Variants in GPC6 observed in about 807,000 individuals in gnomAD.
GPC6 encodes glypican-6.
In GPC6, 14 loss-of-function variants were observed where a neutral mutation model predicts 55.2. That is an observed-to-expected ratio of 0.25 (90% CI 0.17 to 0.40). The LOEUF is 0.40. Ranked by LOEUF, GPC6 falls within the 10% of genes least tolerant of loss-of-function variation. GPC6 has a pLI of 1.00. For synonymous variants in GPC6, 278 were observed against 259.6 expected, an observed-to-expected ratio of 1.07 and a Z score of -0.68; for missense variants, 641 against 708.5, an observed-to-expected ratio of 0.90 and a Z score of 1.08.
chr13:93,767,640 C>G (rs1885164095), intron 2 of GPC6, among the ~76,000 whole-genome samples: 1 of 152,174 alleles, frequency 6.6e-6, no homozygotes, highest in East Asian at 1.9e-4. Flanking sequence ...AGCACATACT[C>G]TGTTTCATAA....
chr13:93,252,825 T>A (rs1402687337), intron 1 of GPC6, among the ~76,000 whole-genome samples: 1 of 152,224 alleles, frequency 6.6e-6, no homozygotes, highest in Non-Finnish European at 1.5e-5. Flanking sequence ...TTTTGTTTTG[T>A]TTTCTTACCA....
chr13:93,998,870 G>A (rs1214003584), intron 3 of GPC6, among the ~76,000 whole-genome samples: 2 of 151,878 alleles, frequency 1.3e-5, no homozygotes, highest in African/African-American at 4.8e-5. Context: ...AATCTACTCA[G>A]TGATTTTCAA....
At chr13:94,271,519 T>A (rs1274792348) in intron 4 of GPC6, among the ~76,000 whole-genome samples, 1 of 152,132 alleles carries the variant, frequency 6.6e-6, no homozygotes, top group East Asian at 1.9e-4. Context: ...GGACCTTCCC[T>A]AGCCCTTTAC....
At chr13:93,542,088 A>C (rs927342024) in intron 1 of GPC6, among the ~76,000 whole-genome samples, 1 of 152,148 alleles carries the variant, frequency 6.6e-6, no homozygotes, top group African/African-American at 2.4e-5. Context: ...TTAGACATGA[A>C]GTCCTTGCCC....
intron 1 of GPC6, among the ~76,000 whole-genome samples, chr13:93,244,815 T>C (rs775893547): frequency 1.6e-4 from 25 of 152,212 alleles, no homozygotes; most frequent in Non-Finnish European, 1.2e-4. Flanking sequence ...ACTTTTTCTC[T>C]TGAGTTCCTC....
intron 3 of GPC6, among the ~76,000 whole-genome samples, chr13:93,962,425 A>AC (rs1451499319): frequency 6.6e-6 from 1 of 151,934 alleles, no homozygotes; most frequent in African/African-American, 2.4e-5. Flanking sequence ...AAATATATAT[A>AC]TATTTTTTTT....
At chr13:94,386,797 T>G (rs1193031325) in intron 7 of GPC6, among the ~76,000 whole-genome samples, 1 of 152,168 alleles carries the variant, frequency 6.6e-6, no homozygotes, top group African/African-American at 2.4e-5. Context: ...TCGGCCACAT[T>G]TTTCTGTTTG....
chr13:94,102,271 G>T lies in GPC6; in HGVS notation c.877+74377G>T, dbSNP rs1196419458. On this transcript the variant is annotated intron_variant, in intron 4 of 8. Transcript: ENST00000377047. ...AGGACTCTCCCAAAGCTGTGTTTAG[G>T]TAGGAAGAATACATGTTACTGACAA... Among the ~76,000 whole-genome samples, 5 of 152,166 alleles carry T rather than the reference G, an allele frequency of 3.3e-5. No homozygotes were observed. In the East Asian group the frequency reaches 9.7e-4, roughly 29 times the overall value.
Position 94,299,682 on chromosome 13 carries a change from C to T in GPC6, c.1009-6298C>T, listed in dbSNP as rs116508218. ...ATACCAAATCTGTTGGCACTTTGAT[C>T]TTGGATTTCACAACCTCTATAACTG... On this transcript the variant is annotated intron_variant, in intron 5 of 8. Transcript: ENST00000377047. Among the ~76,000 whole-genome samples, 1,294 of 152,316 alleles carry T rather than the reference C, an allele frequency of 8.5e-3. 22 individuals carry two copies. The highest frequency in any genetic ancestry group is 0.029 in the African/African-American group (1,191 of 41,562).
At chr13:93,607,682 C>CT (rs1429478241) in intron 2 of GPC6, among the ~76,000 whole-genome samples, 5 of 152,150 alleles carry the variant, frequency 3.3e-5, no homozygotes, top group African/African-American at 1.2e-4. Context: ...GGATGCACTC[C>CT]TTTTGGGGCC....
chr13:93,712,024 T>G (rs1162317157), intron 2 of GPC6, among the ~76,000 whole-genome samples: 2 of 151,664 alleles, frequency 1.3e-5, no homozygotes, highest in Admixed American at 1.3e-4. Flanking sequence ...CCTCCCTCAC[T>G]CTTGCTACTT....
At chr13:93,594,455 T>A (rs1401890285) in intron 2 of GPC6, among the ~76,000 whole-genome samples, 3 of 152,234 alleles carry the variant, frequency 2.0e-5, no homozygotes, top group East Asian at 1.9e-4. Context: ...ATAGTATAAC[T>A]CATTTTTATA....
chr13:93,990,574 G>A (rs561999390), intron 3 of GPC6, among the ~76,000 whole-genome samples: 1 of 152,168 alleles, frequency 6.6e-6, no homozygotes, highest in South Asian at 2.1e-4. Context: ...AACCACAGTT[G>A]GGCTGGGTAC....
intron 3 of GPC6, among the ~76,000 whole-genome samples, chr13:93,922,313 A>G (rs921070665): frequency 6.6e-6 from 1 of 152,204 alleles, no homozygotes; most frequent in Non-Finnish European, 1.5e-5. Flanking sequence ...TCCTCTTAAC[A>G]ACGGAAACAA....
At chr13:93,578,695 A>T in intron 2 of GPC6, among the ~76,000 whole-genome samples, 1 of 141,206 alleles carries the variant, frequency 7.1e-6, no homozygotes, top group Admixed American at 7.0e-5. Context: ...TTCTGCTCTG[A>T]TCTTTATTAC....
intron 4 of GPC6, among the ~76,000 whole-genome samples, chr13:94,116,254 G>T (rs1886424329): frequency 6.6e-6 from 1 of 151,958 alleles, no homozygotes; most frequent in African/African-American, 2.4e-5. Context: ...TACCATATCA[G>T]TGCACATGAA....
chr13:93,595,862 C>T (rs1252407854), intron 2 of GPC6, among the ~76,000 whole-genome samples: 1 of 152,052 alleles, frequency 6.6e-6, no homozygotes, highest in African/African-American at 2.4e-5. Context: ...CAGCAGCATG[C>T]CTGTTCCAAT....
chr13:93,602,086 T>C (rs1440784432), intron 2 of GPC6, among the ~76,000 whole-genome samples: 1 of 152,170 alleles, frequency 6.6e-6, no homozygotes, highest in Non-Finnish European at 1.5e-5. Flanking sequence ...ATTTAAAAAA[T>C]ACATAAATAG....
intron 1 of GPC6, among the ~76,000 whole-genome samples, chr13:93,276,458 CAGAGAG>C (rs144297308): frequency 0.054 from 6,273 of 117,148 alleles, 270 homozygotes; most frequent in East Asian, 0.25. Context: ...CTGGCCTTTT[CAGAGAG>C]AGAGAGAGAG....
Sources: allele counts gnomAD v4.1 joint callset (sites outside exome capture counted in the v4.1 genomes callset), GRCh38; gene constraint gnomAD v4.1.1; transcripts MANE v1.5; gene names NCBI Gene and HGNC (gene_info 2026-07-23, HGNC 2026-07-21).